Variants in VEZT observed in about 807,000 individuals in gnomAD.
VEZT encodes vezatin.
A neutral mutation model predicts 79.9 loss-of-function variants in VEZT; 39 were observed. The observed-to-expected ratio is 0.49, with a 90% CI of 0.38 to 0.64. VEZT has a LOEUF of 0.64. VEZT is among the 30% of genes least tolerant of loss of function. VEZT has a pLI of 0.00. For synonymous variants in VEZT, 325 were observed against 327.6 expected (o/e 0.99, Z 0.09); for missense variants, 837 against 893.1 (o/e 0.94, Z 0.80).
At chr12:95,262,213 A>G (rs1002893233) in intron 3 of VEZT, 2 of 152,300 alleles carry the variant, frequency 1.3e-5, no homozygotes, top group South Asian at 2.1e-4. Context: ...TGCATGTTAT[A>G]TTGCAACTGT....
intron 1 of VEZT, among the ~76,000 whole-genome samples, chr12:95,248,163 A>G (rs1380775229): frequency 6.6e-6 from 1 of 152,236 alleles, no homozygotes; most frequent in African/African-American, 2.4e-5. Context: ...ACTCATAGTT[A>G]TATAGCACAA....
intron 1 of VEZT, among the ~76,000 whole-genome samples, chr12:95,232,023 T>A (rs1324690691): frequency 6.6e-6 from 1 of 152,212 alleles, no homozygotes; most frequent in Non-Finnish European, 1.5e-5. Flanking sequence ...TGTGATACTC[T>A]GCAGCTAGCC....
intron 8 of VEZT, among the ~76,000 whole-genome samples, chr12:95,287,037 T>A (rs2071123289): frequency 6.6e-6 from 1 of 152,206 alleles, no homozygotes; most frequent in African/African-American, 2.4e-5. Flanking sequence ...TTTGCTTACA[T>A]ATATGTGTAA....
At chr12:95,242,562 G>A (rs180986077) in intron 1 of VEZT, among the ~76,000 whole-genome samples, 18 of 152,180 alleles carry the variant, frequency 1.2e-4, no homozygotes, top group African/African-American at 2.4e-4. Context: ...CTGGGACTAC[G>A]TGTGGAGTGT....
chr12:95,225,550 C>G (rs1000896852), intron 1 of VEZT, among the ~76,000 whole-genome samples: 2 of 151,736 alleles, frequency 1.3e-5, no homozygotes, highest in African/African-American at 4.8e-5. Context: ...GAGCAAGACT[C>G]TGTCTCAAAC....
chr12:95,245,304 A>C (rs1208217576), intron 1 of VEZT, among the ~76,000 whole-genome samples: 1 of 152,136 alleles, frequency 6.6e-6, no homozygotes. Context: ...TTACTACCTG[A>C]ACAAGTTTAA....
At chr12:95,218,011 G>C (rs1592901078) in intron 1 of VEZT, 125 bp downstream of exon 1, 1 of 950,732 alleles carries the variant, frequency 1.1e-6, no homozygotes, top group Non-Finnish European at 1.5e-6. Context: ...CTCGACCACC[G>C]AACCCCAGCG....
chr12:95,246,183 C>T (rs1341297859), intron 1 of VEZT, among the ~76,000 whole-genome samples: 6 of 151,218 alleles, frequency 4.0e-5, no homozygotes, highest in Non-Finnish European at 5.9e-5. Context: ...AGTGCAGTGG[C>T]GGGATCTCAG....
chr12:95,268,137 A>G (rs554576097), intron 5 of VEZT, among the ~76,000 whole-genome samples: 1 of 152,284 alleles, frequency 6.6e-6, no homozygotes, highest in Admixed American at 6.5e-5. Context: ...GACTTAAAGG[A>G]TAGCACGTTT....
intron 2 of VEZT, among the ~76,000 whole-genome samples, chr12:95,253,811 A>T (rs1426099120): frequency 6.6e-6 from 1 of 152,154 alleles, no homozygotes; most frequent in African/African-American, 2.4e-5. Flanking sequence ...GTTTTAAAAA[A>T]TTACCAGGCT....
chr12:95,268,360 T>C (rs1311810833), intron 5 of VEZT, among the ~76,000 whole-genome samples: 6 of 151,756 alleles, frequency 4.0e-5, no homozygotes, highest in Non-Finnish European at 8.8e-5. Flanking sequence ...TAGCCGGGCG[T>C]GGTGGCGGGT....
At chr12:95,234,545 T>G (rs1034814826) in intron 1 of VEZT, among the ~76,000 whole-genome samples, 4 of 152,184 alleles carry the variant, frequency 2.6e-5, no homozygotes, top group Non-Finnish European at 5.9e-5. Context: ...TTTGCCCGCC[T>G]CAGCCTCCGA....
intron 3 of VEZT, among the ~76,000 whole-genome samples, chr12:95,260,098 CTTT>C (rs56756447): frequency 0.013 from 896 of 68,460 alleles, 8 homozygotes; most frequent in African/African-American, 0.052. Flanking sequence ...TGGTTGATCA[CTTT>C]TTTTTTTTTT....
intron 1 of VEZT, among the ~76,000 whole-genome samples, chr12:95,235,697 C>T (rs1474100415): frequency 6.7e-6 from 1 of 148,602 alleles, no homozygotes; most frequent in Non-Finnish European, 1.5e-5. Context: ...CCGGACGGGG[C>T]GGCTGGCCGG....
intron 10 of VEZT, among the ~76,000 whole-genome samples, chr12:95,295,766 C>T (rs2074008173): frequency 6.6e-6 from 1 of 152,160 alleles, no homozygotes; most frequent in African/African-American, 2.4e-5. Flanking sequence ...GGCTGTAACA[C>T]TAAGTGTATG....
chr12:95,240,378 G>T (rs1025790254), intron 1 of VEZT, among the ~76,000 whole-genome samples: 2 of 152,132 alleles, frequency 1.3e-5, no homozygotes, highest in African/African-American at 4.8e-5. Flanking sequence ...TTTATTGGAA[G>T]ACTGAAGTTC....
chr12:95,266,304 ATCTT>A, intron 4 of VEZT, 49 bp from the exon 5 acceptor site: 4 of 1,522,816 alleles, frequency 2.6e-6, no homozygotes, highest in Non-Finnish European at 2.6e-6. Flanking sequence ...AAAGTAATTC[ATCTT>A]TCTTTCTCTA....
chr12:95,270,249 T>C (rs1386444871), intron 6 of VEZT, 61 bp downstream of exon 6: 7 of 1,483,162 alleles, frequency 4.7e-6, no homozygotes, highest in Non-Finnish European at 6.3e-6. Flanking sequence ...AATATAGATA[T>C]TATAGTTGTA....
chr12:95,244,139 T>TA (rs1283212434), intron 1 of VEZT: 5 of 364,514 alleles, frequency 1.4e-5, no homozygotes, highest in Admixed American at 3.4e-5. Flanking sequence ...CTTACACCTA[T>TA]AATCCCAGTG....
Sources: gnomAD v4.1 joint callset for allele counts (sites outside exome capture counted in the v4.1 genomes callset) on GRCh38, gnomAD v4.1.1 for gene constraint, MANE v1.5 for transcripts, NCBI Gene and HGNC (gene_info 2026-07-23, HGNC 2026-07-21) for gene names.